Variants in KLHL18 observed in about 807,000 individuals in gnomAD.
The protein encoded by KLHL18 is kelch-like protein 18.
In KLHL18, 38 loss-of-function variants were observed where a neutral mutation model predicts 58.5. That is an observed-to-expected ratio of 0.65 (90% confidence interval 0.50 to 0.85). KLHL18 has a LOEUF of 0.85. KLHL18 is among the 40% of genes least tolerant of loss of function. The pLI is 0.00. For synonymous variants in KLHL18, 303 were observed against 301.9 expected (o/e 1.00, Z -0.04); for missense variants, 624 against 778.4 (o/e 0.80, Z 2.36).
chr3:47,295,051 C>T (rs1702869061), intron 1 of KLHL18, among the ~76,000 whole-genome samples: 1 of 151,988 alleles, frequency 6.6e-6, no homozygotes, highest in Admixed American at 6.6e-5. Flanking sequence ...CTTGTGTTTT[C>T]CGTGTATATG....
chr3:47,295,866 G>A (rs958918831), intron 1 of KLHL18, among the ~76,000 whole-genome samples: 3 of 152,050 alleles, frequency 2.0e-5, no homozygotes, highest in African/African-American at 7.2e-5. Context: ...ACTGTGCCCG[G>A]CCCCTTCAAA....
intron 1 of KLHL18, among the ~76,000 whole-genome samples, chr3:47,294,273 C>G (rs1702851201): frequency 6.6e-6 from 1 of 152,160 alleles, no homozygotes; most frequent in South Asian, 2.1e-4. Context: ...GGGTGCTCAG[C>G]AGGTATGTCA....
chr3:47,336,823 G>T, intron 7 of KLHL18, 66 bp downstream of exon 7: 1 of 1,267,704 alleles, frequency 7.9e-7, no homozygotes, highest in Non-Finnish European at 1.1e-6. Flanking sequence ...CATGCTAGAC[G>T]AGCAGGGGCA....
At position 47,284,414 on chromosome 3, in the gene KLHL18, G is replaced by A. The variant is rs143895740; in HGVS notation, c.129+1320G>A. Reference sequence around the variant, plus strand: ...TGCAGTGGCGCTATCTTGGCTCACTGAAACTCTCTCTCCTGGGTTCAAGCG... The same window carrying A: ...TGCAGTGGCGCTATCTTGGCTCACTAAAACTCTCTCTCCTGGGTTCAAGCG... On this transcript the variant is annotated intron_variant, in intron 1 of 9. Coordinates refer to ENST00000232766, the MANE Select transcript of KLHL18 (RefSeq NM_025010.5). Among the ~76,000 whole-genome samples, 1,109 of 138,866 alleles carry A rather than the reference G, an allele frequency of 8.0e-3. 15 individuals carry two copies. Among genetic ancestry groups the A allele is most frequent in the African/African-American group, 0.028 (1,055 of 37,368 alleles). The allele number at this position is 138,866 out of a possible 152,430, so 91.1% of individuals were successfully genotyped here.
chr3:47,292,612 A>C (rs563495381), intron 1 of KLHL18, among the ~76,000 whole-genome samples: 1 of 152,216 alleles, frequency 6.6e-6, no homozygotes, highest in African/African-American at 2.4e-5. Flanking sequence ...GGATAAACAA[A>C]ATATGGTATA....
intron 7 of KLHL18, chr3:47,338,237 C>G (rs1322952750): frequency 6.6e-6 from 1 of 152,226 alleles, no homozygotes; most frequent in East Asian, 1.9e-4. Context: ...GCATTTTCTC[C>G]TTCTCTTCAC....
At chr3:47,296,501 T>C (rs964472978) in intron 1 of KLHL18, among the ~76,000 whole-genome samples, 1 of 152,134 alleles carries the variant, frequency 6.6e-6, no homozygotes, top group African/African-American at 2.4e-5. Flanking sequence ...GTGGGGAAGA[T>C]AGATTATGCA....
chr3:47,316,669 GTATATA>G (rs1703448689), intron 1 of KLHL18, among the ~76,000 whole-genome samples: 1 of 101,776 alleles, frequency 9.8e-6, no homozygotes, highest in Non-Finnish European at 2.0e-5. Context: ...ACATATATAC[GTATATA>G]TGTATATGTG....
At chr3:47,285,850 C>A in intron 1 of KLHL18, among the ~76,000 whole-genome samples, 1 of 152,096 alleles carries the variant, frequency 6.6e-6, no homozygotes, top group Non-Finnish European at 1.5e-5. Flanking sequence ...GAGTTTGAGA[C>A]CAGCTTGGGC....
At chr3:47,311,918 T>C (rs901965622) in intron 1 of KLHL18, among the ~76,000 whole-genome samples, 1 of 152,254 alleles carries the variant, frequency 6.6e-6, no homozygotes, top group Non-Finnish European at 1.5e-5. Flanking sequence ...GAGTGTATTA[T>C]GCAGAGCCCT....
intron 2 of KLHL18, 44 bp downstream of exon 2, chr3:47,319,827 GCA>G: frequency 6.2e-7 from 1 of 1,606,066 alleles, no homozygotes; most frequent in Non-Finnish European, 8.5e-7. Context: ...CTTTCCAAGT[GCA>G]GTTTCAGCCT....
intron 1 of KLHL18, among the ~76,000 whole-genome samples, chr3:47,308,478 C>T (rs1703201362): frequency 6.6e-6 from 1 of 152,218 alleles, no homozygotes; most frequent in Admixed American, 6.5e-5. Context: ...GCAATCTCCA[C>T]CTCCCAGGTT....
intron 9 of KLHL18, 65 bp from the exon 10 acceptor site, chr3:47,343,490 G>A (rs908140469): frequency 2.5e-5 from 39 of 1,582,754 alleles, no homozygotes; most frequent in Admixed American, 1.4e-4. Context: ...TGCCCTGCAC[G>A]GTCACTCCAT....
intron 7 of KLHL18, among the ~76,000 whole-genome samples, chr3:47,340,295 A>G (rs1704079604): frequency 6.6e-6 from 1 of 152,140 alleles, no homozygotes; most frequent in African/African-American, 2.4e-5. Context: ...CCTTCAAGGT[A>G]AATTCGACCT....
chr3:47,300,213 C>T (rs1702985862), intron 1 of KLHL18, among the ~76,000 whole-genome samples: 1 of 150,036 alleles, frequency 6.7e-6, no homozygotes, highest in South Asian at 2.1e-4. Context: ...TTCCTACTTT[C>T]TTCCCCATTC....
At chr3:47,333,057 G>GA in intron 4 of KLHL18, 100 bp from the exon 5 acceptor site, 1 of 1,232,586 alleles carries the variant, frequency 8.1e-7, no homozygotes, top group East Asian at 2.3e-5. Flanking sequence ...GGGCCCAAGG[G>GA]ACTGCTTCAG....
In KLHL18 at chr3:47,299,826, CAAAAAAAAAAAA is replaced by C. The variant is rs55695849; in HGVS notation, c.129+16750_129+16761del. The stretch of plus-strand genomic sequence containing the variant: ...TGCGTGACAGAGTGATACTGTGTCT[CAAAAAAAAAAAA>C]AAAAAAAAAAAAAAAAAGATTGCAA... On this transcript the variant is annotated intron_variant, in intron 1 of 9. Transcript: ENST00000232766. Among the ~76,000 whole-genome samples the C allele has an allele frequency of 1.3e-3, 56 of 43,836 alleles. 1 individual carries two copies. Among genetic ancestry groups the C allele is most frequent in the South Asian group, 3.0e-3 (2 of 666 alleles). 28.8% of individuals were successfully genotyped at this position (43,836 alleles called of 152,430 possible).
At chr3:47,317,506 CAG>C (rs1703483558) in intron 1 of KLHL18, among the ~76,000 whole-genome samples, 2 of 152,086 alleles carry the variant, frequency 1.3e-5, no homozygotes, top group African/African-American at 4.8e-5. Context: ...GTGAGGGAAA[CAG>C]AATTCCCAGG....
chr3:47,343,087 C>T (rs541127712), intron 9 of KLHL18, among the ~76,000 whole-genome samples: 95 of 152,212 alleles, frequency 6.2e-4, no homozygotes, highest in Non-Finnish European at 1.9e-4. Context: ...CTACATAGAA[C>T]TTGTGAGATT....
Sources: gnomAD v4.1 joint callset for allele counts (sites outside exome capture counted in the v4.1 genomes callset) on GRCh38, gnomAD v4.1.1 for gene constraint, MANE v1.5 for transcripts, NCBI Gene and HGNC (gene_info 2026-07-23, HGNC 2026-07-21) for gene names.